Variants in ST6GALNAC3 observed in about 807,000 individuals in gnomAD.
The protein encoded by ST6GALNAC3 is alpha-N-acetylgalactosaminide alpha-2,6-sialyltransferase 3.
In ST6GALNAC3, 25 loss-of-function variants were observed where a neutral mutation model predicts 32.7. The observed-to-expected ratio is 0.76, with a 90% CI of 0.56 to 1.07. The LOEUF (loss-of-function observed/expected upper bound fraction) is 1.07. ST6GALNAC3 is among the 50% of genes least tolerant of loss of function. ST6GALNAC3 has a pLI of 0.00. For missense variants in ST6GALNAC3, 355 were observed against 382.4 expected (o/e 0.93, Z 0.60); for synonymous variants, 129 against 133.1 (o/e 0.97, Z 0.21).
At chr1:76,456,823 A>T (rs1241738557) in intron 3 of ST6GALNAC3, among the ~76,000 whole-genome samples, 1 of 152,188 alleles carries the variant, frequency 6.6e-6, no homozygotes, top group Non-Finnish European at 1.5e-5. Flanking sequence ...CACCACTCCT[A>T]TTCAACATAG....
At chr1:76,437,072 T>C (rs150057053) in intron 3 of ST6GALNAC3, among the ~76,000 whole-genome samples, 65 of 152,248 alleles carry the variant, frequency 4.3e-4, no homozygotes, top group African/African-American at 1.5e-3. Context: ...AACTCCTGTG[T>C]TGACAATAGT....
chr1:76,436,509 T>C (rs2101477334), intron 3 of ST6GALNAC3, among the ~76,000 whole-genome samples: 1 of 152,304 alleles, frequency 6.6e-6, no homozygotes, highest in African/African-American at 2.4e-5. Flanking sequence ...ATTTTTTACC[T>C]GTTTGTGGTG....
chr1:76,256,071 G>A, intron 1 of ST6GALNAC3, among the ~76,000 whole-genome samples: 1 of 149,756 alleles, frequency 6.7e-6, no homozygotes, highest in Admixed American at 6.6e-5. Context: ...AGAGCCCCAA[G>A]TCTAACTTGG....
At chr1:76,139,691 C>T (rs1027443272) in intron 1 of ST6GALNAC3, among the ~76,000 whole-genome samples, 4 of 152,176 alleles carry the variant, frequency 2.6e-5, no homozygotes, top group Admixed American at 6.5e-5. Flanking sequence ...TTTCTGGGCT[C>T]AGAGCAGATT....
At chr1:76,613,758 T>G (rs1330700226) in intron 3 of ST6GALNAC3, among the ~76,000 whole-genome samples, 1 of 152,234 alleles carries the variant, frequency 6.6e-6, no homozygotes, top group Non-Finnish European at 1.5e-5. Context: ...CTCTTTGACT[T>G]CCGTCATGAT....
At chr1:76,491,857 G>T (rs1660520898) in intron 3 of ST6GALNAC3, among the ~76,000 whole-genome samples, 1 of 152,142 alleles carries the variant, frequency 6.6e-6, no homozygotes, top group African/African-American at 2.4e-5. Flanking sequence ...TATCCTCAGT[G>T]TGCCTGAATT....
intron 3 of ST6GALNAC3, among the ~76,000 whole-genome samples, chr1:76,466,719 C>A (rs1042725608): frequency 5.9e-5 from 9 of 152,126 alleles, no homozygotes; most frequent in African/African-American, 1.9e-4. Context: ...CAACTACGTG[C>A]TCAACAATGG....
At chr1:76,096,918 CTTT>C (rs545909921) in intron 1 of ST6GALNAC3, among the ~76,000 whole-genome samples, 5 of 130,680 alleles carry the variant, frequency 3.8e-5, no homozygotes, top group African/African-American at 5.6e-5. Context: ...AGTCATAGAG[CTTT>C]TTTTTTTTTT....
intron 1 of ST6GALNAC3, among the ~76,000 whole-genome samples, chr1:76,282,539 T>C (rs1222171434): frequency 6.6e-6 from 1 of 152,174 alleles, no homozygotes; most frequent in Non-Finnish European, 1.5e-5. Context: ...AGTTTTAGTT[T>C]TATCAATAGT....
At chr1:76,420,434 T>C (rs1252997466) in intron 3 of ST6GALNAC3, among the ~76,000 whole-genome samples, 1 of 152,084 alleles carries the variant, frequency 6.6e-6, no homozygotes, top group East Asian at 1.9e-4. Flanking sequence ...TGGAGACTTG[T>C]GTATCTGAAT....
chr1:76,412,572 G>A (rs113746489), intron 3 of ST6GALNAC3, among the ~76,000 whole-genome samples, 155 bp downstream of exon 3: 1 of 152,046 alleles, frequency 6.6e-6, no homozygotes, highest in Non-Finnish European at 1.5e-5. Flanking sequence ...CCAGCCTGAG[G>A]TCTCATTTAT....
At chr1:76,181,489 C>T (rs931549561) in intron 1 of ST6GALNAC3, among the ~76,000 whole-genome samples, 2 of 144,836 alleles carry the variant, frequency 1.4e-5, no homozygotes, top group African/African-American at 2.6e-5. Flanking sequence ...TTAAATATAA[C>T]TATGAATGGA....
intron 1 of ST6GALNAC3, among the ~76,000 whole-genome samples, chr1:76,156,978 G>C (rs541634913): frequency 6.6e-6 from 1 of 152,188 alleles, no homozygotes; most frequent in South Asian, 2.1e-4. Flanking sequence ...TGATCTGCCC[G>C]CCTTGGCCTC....
At chr1:76,293,305 T>C (rs1660202379) in intron 1 of ST6GALNAC3, among the ~76,000 whole-genome samples, 1 of 152,240 alleles carries the variant, frequency 6.6e-6, no homozygotes, top group Admixed American at 6.5e-5. Context: ...TGATCAACAG[T>C]ACTGGCATCA....
intron 1 of ST6GALNAC3, among the ~76,000 whole-genome samples, chr1:76,303,612 C>T (rs1448026999): frequency 6.6e-6 from 1 of 152,072 alleles, no homozygotes; most frequent in African/African-American, 2.4e-5. Context: ...AAAAAATAAG[C>T]TATTGTCCTT....
At chr1:76,590,219 C>T (rs920721953) in intron 3 of ST6GALNAC3, among the ~76,000 whole-genome samples, 3 of 152,272 alleles carry the variant, frequency 2.0e-5, no homozygotes, top group East Asian at 3.9e-4. Context: ...TGAGCAGCTG[C>T]TCAACGTGAC....
intron 3 of ST6GALNAC3, among the ~76,000 whole-genome samples, chr1:76,420,192 A>T (rs1246002279): frequency 6.6e-6 from 1 of 152,052 alleles, no homozygotes; most frequent in Non-Finnish European, 1.5e-5. Flanking sequence ...TTCATTTTTA[A>T]CAAGTTTCCA....
At chr1:76,255,395 T>C (rs1657864201) in intron 1 of ST6GALNAC3, among the ~76,000 whole-genome samples, 1 of 152,090 alleles carries the variant, frequency 6.6e-6, no homozygotes, top group Non-Finnish European at 1.5e-5. Context: ...ATTATCTGCT[T>C]TTTTGTGTTA....
At chr1:76,318,536 G>A (rs1646910140) in intron 2 of ST6GALNAC3, among the ~76,000 whole-genome samples, 1 of 152,252 alleles carries the variant, frequency 6.6e-6, no homozygotes, top group African/African-American at 2.4e-5. Flanking sequence ...GCTTGGATCA[G>A]GAGTGATTTA....
Sources: gnomAD v4.1 joint callset for allele counts (sites outside exome capture counted in the v4.1 genomes callset) on GRCh38, gnomAD v4.1.1 for gene constraint, MANE v1.5 for transcripts, NCBI Gene and HGNC (gene_info 2026-07-23, HGNC 2026-07-21) for gene names.